Variants in RNF150 observed in about 807,000 individuals in gnomAD.
RNF150 encodes the protein ring finger protein 150.
RNF150 carries 24 observed loss-of-function variants against 39.3 expected under a neutral mutation model. That is an observed-to-expected ratio of 0.61 (90% confidence interval 0.44 to 0.86). The LOEUF is 0.86. RNF150 is among the 40% of genes least tolerant of loss of function. RNF150 has a pLI of 0.00. For missense variants in RNF150, 502 were observed against 587.8 expected (o/e 0.85, Z 1.51); for synonymous variants, 255 against 227.3 (o/e 1.12, Z -1.10).
intron 4 of RNF150, among the ~76,000 whole-genome samples, chr4:140,939,964 G>T (rs555930734): frequency 6.6e-6 from 1 of 152,084 alleles, no homozygotes; most frequent in South Asian, 2.1e-4. Context: ...TTCCTACCTG[G>T]ACTTTGCAAT....
chr4:140,984,789 T>C (rs986582458), intron 1 of RNF150, among the ~76,000 whole-genome samples: 5 of 152,132 alleles, frequency 3.3e-5, no homozygotes, highest in African/African-American at 1.2e-4. Flanking sequence ...ACTAAAAAAG[T>C]GGGTGTATAA....
At chr4:140,972,279 G>A (rs1579016881) in intron 1 of RNF150, among the ~76,000 whole-genome samples, 1 of 152,146 alleles carries the variant, frequency 6.6e-6, no homozygotes, top group East Asian at 1.9e-4. Flanking sequence ...AATGTAAAGT[G>A]TAATTACTAC....
intron 1 of RNF150, among the ~76,000 whole-genome samples, chr4:141,048,899 A>G (rs1467262141): frequency 1.3e-5 from 2 of 152,204 alleles, no homozygotes; most frequent in Non-Finnish European, 2.9e-5. Context: ...AGCCAACATA[A>G]TACTTCTCTC....
chr4:141,152,109 G>T (rs559813440), intron 1 of RNF150, among the ~76,000 whole-genome samples: 4 of 152,276 alleles, frequency 2.6e-5, no homozygotes, highest in African/African-American at 9.6e-5. Context: ...CAAGCAATCT[G>T]GGAAATTGTG....
At chr4:140,955,837 A>G (rs1321464923) in intron 2 of RNF150, among the ~76,000 whole-genome samples, 2 of 152,184 alleles carry the variant, frequency 1.3e-5, no homozygotes, top group Non-Finnish European at 2.9e-5. Flanking sequence ...AAATTTCATT[A>G]CTTCTTTTAT....
intron 2 of RNF150, 85 bp from the exon 3 acceptor site, chr4:140,949,457 C>G: frequency 8.7e-7 from 1 of 1,151,466 alleles, no homozygotes; most frequent in Non-Finnish European, 1.3e-6. Context: ...ACCAGGGCAG[C>G]TAGCTCTGAA....
At chr4:140,882,843 T>TCAAAATGAAA in intron 6 of RNF150, among the ~76,000 whole-genome samples, 1 of 152,296 alleles carries the variant, frequency 6.6e-6, no homozygotes, top group South Asian at 2.1e-4. Flanking sequence ...GGCATATAGT[T>TCAAAATGAAA]ACCTTTTGTT....
chr4:141,075,161 T>C (rs1409828406), intron 1 of RNF150, among the ~76,000 whole-genome samples: 1 of 152,218 alleles, frequency 6.6e-6, no homozygotes, highest in Non-Finnish European at 1.5e-5. Context: ...AATGGGCAAG[T>C]GTTTTTTTAA....
In RNF150 at chr4:141,128,933, C is replaced by A. The variant is rs76468791; in HGVS notation, c.484+3392G>T. ...AAAACAAAATGAAGATGCCACTTCACATCCACTTGAATGGGCAAAATAAAA... is the reference window on the plus strand; with the variant it reads ...AAAACAAAATGAAGATGCCACTTCAAATCCACTTGAATGGGCAAAATAAAA... On this transcript the variant is annotated intron_variant, in intron 1 of 6. Transcript: ENST00000515673. Among the ~76,000 whole-genome samples, 415 of 152,344 alleles carry A rather than the reference C, an allele frequency of 2.7e-3. 12 individuals are homozygous for A. In the East Asian group the frequency reaches 0.066, roughly 24 times the overall value.
intron 4 of RNF150, among the ~76,000 whole-genome samples, chr4:140,940,049 G>A (rs948618500): frequency 1.4e-4 from 21 of 152,170 alleles, no homozygotes; most frequent in Admixed American, 6.5e-4. Context: ...AGTGTGTTGT[G>A]TATAAAGCAC....
chr4:141,161,956 T>C (rs1017989717), intron 1 of RNF150, among the ~76,000 whole-genome samples: 1 of 152,196 alleles, frequency 6.6e-6, no homozygotes, highest in East Asian at 1.9e-4. Context: ...GAACCTCTAC[T>C]AGGGTAATGT....
intron 1 of RNF150, among the ~76,000 whole-genome samples, chr4:141,173,288 C>A (rs1727760700): frequency 6.6e-6 from 1 of 152,184 alleles, no homozygotes; most frequent in Non-Finnish European, 1.5e-5. Context: ...TATATACTCA[C>A]TTTATAGTGG....
chr4:141,006,068 CAAAAA>C (rs370503215), intron 1 of RNF150, among the ~76,000 whole-genome samples: 2 of 57,756 alleles, frequency 3.5e-5, no homozygotes. Context: ...GACTCCGTCT[CAAAAA>C]AAAAAAAAAA....
intron 6 of RNF150, among the ~76,000 whole-genome samples, chr4:140,875,721 GTT>G (rs142895042): frequency 2.0e-5 from 3 of 150,226 alleles, no homozygotes; most frequent in Non-Finnish European, 4.5e-5. Flanking sequence ...TTTTGTTTGT[GTT>G]TTTTTTTAAT....
At chr4:140,921,275 G>T (rs13102689) in intron 5 of RNF150, among the ~76,000 whole-genome samples, 1 of 150,810 alleles carries the variant, frequency 6.6e-6, no homozygotes, top group Admixed American at 6.6e-5. Context: ...ATAAAAAATG[G>T]CAAAGGGGAT....
At chr4:140,937,018 C>A (rs1434068874) in intron 4 of RNF150, among the ~76,000 whole-genome samples, 4 of 152,062 alleles carry the variant, frequency 2.6e-5, no homozygotes, top group Non-Finnish European at 5.9e-5. Context: ...ATCATTACCA[C>A]CTTTCAGGAA....
chr4:141,060,989 G>A (rs552614102), intron 1 of RNF150, among the ~76,000 whole-genome samples: 4 of 152,196 alleles, frequency 2.6e-5, no homozygotes, highest in East Asian at 1.9e-4. Flanking sequence ...GGCCTTTTGC[G>A]GGGTCGGGGG....
chr4:140,926,960 T>C (rs756717652), intron 4 of RNF150, among the ~76,000 whole-genome samples: 9 of 152,210 alleles, frequency 5.9e-5, no homozygotes, highest in Non-Finnish European at 8.8e-5. Context: ...ACTGACTCTC[T>C]TTCTGTACTC....
chr4:141,011,499 C>T (rs80220709), intron 1 of RNF150, among the ~76,000 whole-genome samples: 2,132 of 152,254 alleles, frequency 0.014, 31 homozygotes, highest in East Asian at 0.056. Flanking sequence ...GTATAATATA[C>T]CACCCTATAT....
Sources: allele counts gnomAD v4.1 joint callset (sites outside exome capture counted in the v4.1 genomes callset), GRCh38; gene constraint gnomAD v4.1.1; transcripts MANE v1.5; gene names NCBI Gene and HGNC (gene_info 2026-07-23, HGNC 2026-07-21).